SDHAF3: variants seen among roughly 807,000 people sequenced by gnomAD.
SDHAF3 encodes succinate dehydrogenase assembly factor 3, mitochondrial.
Under a neutral mutation model 11.5 loss-of-function variants are expected in SDHAF3, and 18 were observed. That is an observed-to-expected ratio of 1.56 (90% CI 1.08 to 2.32). SDHAF3 has a LOEUF of 2.32. Among genes scored for constraint, SDHAF3 ranks in the 30% most tolerant of loss-of-function variants. The pLI, the probability that SDHAF3 is intolerant of heterozygous loss-of-function variation, is 0.00. For missense variants in SDHAF3, 200 were observed against 154.4 expected, an observed-to-expected ratio of 1.30 and a Z score of -1.57; for synonymous variants, 72 against 59.3, an observed-to-expected ratio of 1.21 and a Z score of -0.99.
At chr7:97,146,076 A>G (rs1789129565) in intron 1 of SDHAF3, among the ~76,000 whole-genome samples, 1 of 151,260 alleles carries the variant, frequency 6.6e-6, no homozygotes, top group Admixed American at 6.6e-5. Context: ...AGATAAAAAT[A>G]GAGATTTGGA....
chr7:97,142,734 T>G (rs927856856), intron 1 of SDHAF3: 1 of 151,996 alleles, frequency 6.6e-6, no homozygotes, highest in African/African-American at 2.4e-5. Flanking sequence ...TTTAAGATCT[T>G]GAAGTGGAAA....
chr7:97,181,329 CTT>C lies in SDHAF3; in HGVS notation c.*117_*118del, dbSNP rs749926988. 12 of 752,466 alleles carry C rather than the reference CTT, an allele frequency of 1.6e-5. No individual in the cohort carries two copies. The highest frequency in any genetic ancestry group is 3.6e-5 in the African/African-American group (2 of 56,266). 46.6% of individuals were successfully genotyped at this position (752,466 alleles called of 1,614,324 possible). A position where few individuals can be genotyped will look rare whatever the true frequency, so the allele number is the denominator to read the frequency against. Reference sequence around the variant, plus strand: ...AAACACCTGTTATTAATGAAATACTCTTTTATTTTGGATATTATGATTGCAGT... The same window carrying C: ...AAACACCTGTTATTAATGAAATACTCTTATTTTGGATATTATGATTGCAGT... On this transcript the variant is annotated 3_prime_UTR_variant, in exon 2 of 2. Transcript: ENST00000432641.
At chr7:97,135,502 A>C (rs1450549517) in intron 1 of SDHAF3, 1 of 153,830 alleles carries the variant, frequency 6.5e-6, no homozygotes, top group Non-Finnish European at 1.5e-5. Context: ...TATACAAAGA[A>C]GGGAAAGTAG....
At chr7:97,161,530 C>T (rs761081144) in intron 1 of SDHAF3, among the ~76,000 whole-genome samples, 1 of 152,002 alleles carries the variant, frequency 6.6e-6, no homozygotes, top group Non-Finnish European at 1.5e-5. Flanking sequence ...CTTTGCTGCA[C>T]CCATCAACCC....
chr7:97,166,401 A>G (rs982645858), intron 1 of SDHAF3, among the ~76,000 whole-genome samples: 1 of 151,454 alleles, frequency 6.6e-6, no homozygotes, highest in Non-Finnish European at 1.5e-5. Context: ...GGGGAATTCA[A>G]AGATTTTCTG....
At chr7:97,155,057 C>G (rs1661792601) in intron 1 of SDHAF3, among the ~76,000 whole-genome samples, 1 of 152,182 alleles carries the variant, frequency 6.6e-6, no homozygotes, top group African/African-American at 2.4e-5. Context: ...TTACTCCTTT[C>G]ACTTAATTCA....
intron 1 of SDHAF3, among the ~76,000 whole-genome samples, chr7:97,133,500 C>T (rs145700842): frequency 2.0e-4 from 30 of 152,226 alleles, no homozygotes; most frequent in African/African-American, 7.2e-4. Context: ...GTGGGTCCTA[C>T]AGCTTCGTTG....
chr7:97,152,953 T>C (rs1789249520), intron 1 of SDHAF3, among the ~76,000 whole-genome samples: 1 of 152,238 alleles, frequency 6.6e-6, no homozygotes, highest in Non-Finnish European at 1.5e-5. Context: ...CATGAACCAC[T>C]GCATCTGGCC....
At chr7:97,143,239 G>A (rs1789083519) in intron 1 of SDHAF3, among the ~76,000 whole-genome samples, 1 of 151,946 alleles carries the variant, frequency 6.6e-6, no homozygotes, top group South Asian at 2.1e-4. Context: ...TTTAAAAACT[G>A]GATTAATCTT....
chr7:97,117,811 C>T lies in SDHAF3; in HGVS notation c.88C>T (p.Leu30=), dbSNP rs1791427958. 1 of 1,614,256 alleles carries T rather than the reference C, an allele frequency of 6.2e-7. No homozygotes were observed. The highest frequency in any genetic ancestry group is 1.1e-5 in the South Asian group (1 of 91,092). Residue 30 remains leucine, a synonymous_variant, in exon 1 of 2, where the codon CTG becomes TTG. Transcript: ENST00000432641. ...HRVLPPDLKS[L]GDQYVKDEFR... is the part of the protein sequence containing the mutation. ...TGTTCTGCCCCCGGACCTCAAATCC[C>T]TGGGCGACCAGTACGTGAAAGACGA...
intron 1 of SDHAF3, among the ~76,000 whole-genome samples, chr7:97,168,447 A>G (rs1261506577): frequency 6.6e-6 from 1 of 152,146 alleles, no homozygotes; most frequent in Non-Finnish European, 1.5e-5. Context: ...AAAACTGTAA[A>G]CTAAATTCTC....
chr7:97,180,191 A>G (rs1450171398), intron 1 of SDHAF3, among the ~76,000 whole-genome samples: 1 of 152,232 alleles, frequency 6.6e-6, no homozygotes, highest in Non-Finnish European at 1.5e-5. Context: ...TAAAGGTTTA[A>G]GAAGTTTTTC....
At chr7:97,167,074 A>G (rs1789517340) in intron 1 of SDHAF3, among the ~76,000 whole-genome samples, 1 of 150,152 alleles carries the variant, frequency 6.7e-6, no homozygotes, top group Non-Finnish European at 1.5e-5. Context: ...ATGCCAAGGC[A>G]GTTAAAGAGG....
At chr7:97,144,377 T>A (rs1789104479) in intron 1 of SDHAF3, among the ~76,000 whole-genome samples, 1 of 152,186 alleles carries the variant, frequency 6.6e-6, no homozygotes, top group Non-Finnish European at 1.5e-5. Flanking sequence ...GGGTTCTTGG[T>A]CATGAAATCC....
Position 97,167,684 on chromosome 7 carries a change from G to A in SDHAF3, c.175-13328G>A, listed in dbSNP as rs1008496387. 7.2e-5 allele frequency among the ~76,000 whole-genome samples: 11 copies of A among 152,254 alleles called. No homozygotes were observed. The East Asian group carries it at 1.4e-3, about 19-fold the overall frequency. On this transcript the variant is annotated intron_variant, in intron 1 of 1. Coordinates refer to ENST00000432641, the MANE Select transcript of SDHAF3 (RefSeq NM_020186.3). ...TGGGGGACAGTGAGTCTAGAGTGCCGATTGGTGGGGTCAGAGATAAAATCA... is the reference window on the plus strand; with the variant it reads ...TGGGGGACAGTGAGTCTAGAGTGCCAATTGGTGGGGTCAGAGATAAAATCA...
intron 1 of SDHAF3, among the ~76,000 whole-genome samples, chr7:97,122,594 CT>C (rs1791518772): frequency 1.3e-5 from 2 of 151,544 alleles, no homozygotes; most frequent in Non-Finnish European, 2.9e-5. Context: ...GAATGGATAA[CT>C]CTCAGGTTTG....
intron 1 of SDHAF3, among the ~76,000 whole-genome samples, chr7:97,180,310 A>T (rs1337517949): frequency 6.6e-6 from 1 of 152,210 alleles, no homozygotes; most frequent in African/African-American, 2.4e-5. Flanking sequence ...CATAAATAGG[A>T]TGAAAGCATG....
chr7:97,125,150 G>A (rs550884052), intron 1 of SDHAF3, among the ~76,000 whole-genome samples: 45 of 151,888 alleles, frequency 3.0e-4, no homozygotes, highest in Admixed American at 2.2e-3. Context: ...TCTGGCCAGC[G>A]GTCTATTTTG....
chr7:97,177,225 A>T (rs1789691581), intron 1 of SDHAF3, among the ~76,000 whole-genome samples: 1 of 152,084 alleles, frequency 6.6e-6, no homozygotes, highest in Non-Finnish European at 1.5e-5. Flanking sequence ...ATATCCGGCC[A>T]GGCACAGTAG....
Sources: gnomAD v4.1 joint callset for allele counts (sites outside exome capture counted in the v4.1 genomes callset) on GRCh38, gnomAD v4.1.1 for gene constraint, MANE v1.5 for transcripts, NCBI Gene and HGNC (gene_info 2026-07-23, HGNC 2026-07-21) for gene names.